Variants in TRHDE observed in about 807,000 individuals in gnomAD.
TRHDE encodes thyrotropin-releasing hormone-degrading ectoenzyme.
A neutral mutation model predicts 125.7 loss-of-function variants in TRHDE; 72 were observed. The ratio of observed to expected loss-of-function variants is 0.57; its 90% CI spans 0.47 to 0.70. The LOEUF is 0.70. Ranked by LOEUF, TRHDE falls within the 30% of genes least tolerant of loss-of-function variation. TRHDE has a pLI of 0.00. For missense variants in TRHDE, 1,110 were observed against 1,327.1 expected, an observed-to-expected ratio of 0.84 and a Z score of 2.54; for synonymous variants, 509 against 509.1, an observed-to-expected ratio of 1.00 and a Z score of 0.00.
At chr12:72,252,945 T>G (rs555535833) in intron 2 of TRHDE, among the ~76,000 whole-genome samples, 1 of 152,260 alleles carries the variant, frequency 6.6e-6, no homozygotes, top group South Asian at 2.1e-4. Flanking sequence ...ATTTTGGTTT[T>G]CATACGTTTA....
intron 7 of TRHDE, among the ~76,000 whole-genome samples, chr12:72,544,207 A>G (rs1174118286): frequency 2.6e-5 from 4 of 151,474 alleles, no homozygotes; most frequent in African/African-American, 7.3e-5. Flanking sequence ...GTAGATCCCT[A>G]CATCTAGGTG....
At position 72,666,818 on chromosome 12, in the gene TRHDE, G is replaced by T. The variant is rs1220535316; in HGVS notation, c.*3623G>T. On this transcript the variant is annotated 3_prime_UTR_variant, in exon 19 of 19. Transcript: ENST00000261180. ...GGATGAAATGTTATGATTTAATTTG[G>T]TCAGTATAAATAATCAAATATTGGG... The T allele has an allele frequency of 3.3e-5, 5 of 152,090 alleles. No homozygotes were observed. The highest frequency in any genetic ancestry group is 4.2e-4 in the South Asian group (2 of 4,816). 9.4% of individuals were successfully genotyped at this position (152,090 alleles called of 1,614,324 possible). A position where few individuals can be genotyped will look rare whatever the true frequency, so the allele number is the denominator to read the frequency against.
chr12:72,447,339 C>T (rs1258407913), intron 3 of TRHDE, among the ~76,000 whole-genome samples: 1 of 152,082 alleles, frequency 6.6e-6, no homozygotes. Flanking sequence ...ACACAACATA[C>T]CAGAATCTCT....
At position 72,327,624 on chromosome 12, in the gene TRHDE, G is replaced by A. The variant is rs139399783; in HGVS notation, c.1188+40670G>A. The stretch of plus-strand genomic sequence containing the variant: ...TGAGATCACAATTAAGAGAAGTTGT[G>A]TATCATTTTAGGAGATTTTTTTAGG... On this transcript the variant is annotated intron_variant, in intron 2 of 18. Transcript: ENST00000261180. 3.2e-4 allele frequency among the ~76,000 whole-genome samples: 48 copies of A among 152,232 alleles called. 1 individual carries two copies. The East Asian group carries it at 7.7e-3, about 24-fold the overall frequency.
At chr12:72,366,461 A>G (rs1162129378) in intron 2 of TRHDE, among the ~76,000 whole-genome samples, 1 of 152,132 alleles carries the variant, frequency 6.6e-6, no homozygotes, top group East Asian at 1.9e-4. Flanking sequence ...AATCTATTAT[A>G]GCAGCGTTTT....
chr12:72,383,903 C>T (rs953503786), intron 3 of TRHDE, among the ~76,000 whole-genome samples: 2 of 152,040 alleles, frequency 1.3e-5, no homozygotes, highest in Non-Finnish European at 2.9e-5. Context: ...CAAAATATAG[C>T]TTGCCTTATA....
intron 1 of TRHDE, among the ~76,000 whole-genome samples, chr12:72,098,790 GA>G (rs1874997262): frequency 6.6e-6 from 1 of 152,176 alleles, no homozygotes; most frequent in Non-Finnish European, 1.5e-5. Context: ...CCAGCCAGCT[GA>G]CTGCCTTGCT....
chr12:72,639,521 C>A (rs1416700741), intron 15 of TRHDE, among the ~76,000 whole-genome samples: 2 of 152,012 alleles, frequency 1.3e-5, no homozygotes, highest in African/African-American at 4.8e-5. Context: ...CATTCTCCGT[C>A]CAGCTTTGTT....
intron 2 of TRHDE, among the ~76,000 whole-genome samples, chr12:72,290,140 A>C (rs1479726050): frequency 1.3e-5 from 2 of 152,350 alleles, no homozygotes; most frequent in Non-Finnish European, 1.5e-5. Context: ...GATGTGCTTC[A>C]TGGAGGAGAT....
chr12:72,266,887 A>G (rs1374831129), intron 2 of TRHDE, among the ~76,000 whole-genome samples: 1 of 152,104 alleles, frequency 6.6e-6, no homozygotes. Context: ...AGGAAATAAT[A>G]GCATTGACCT....
At chr12:72,591,079 T>C (rs1871652356) in intron 12 of TRHDE, among the ~76,000 whole-genome samples, 1 of 152,204 alleles carries the variant, frequency 6.6e-6, no homozygotes, top group African/African-American at 2.4e-5. Flanking sequence ...TACGTGGTAA[T>C]AGGCAGGAGA....
intron 1 of TRHDE, among the ~76,000 whole-genome samples, chr12:72,100,428 C>T (rs776756584): frequency 5.3e-5 from 8 of 152,176 alleles, no homozygotes; most frequent in Non-Finnish European, 8.8e-5. Flanking sequence ...GAACACTTAA[C>T]GAAAAGCCAA....
chr12:72,618,820 G>A (rs780707832), intron 12 of TRHDE, 71 bp from the exon 13 acceptor site: 197 of 1,315,904 alleles, frequency 1.5e-4, no homozygotes, highest in Middle Eastern at 5.4e-4. Context: ...TTGCTTTTCC[G>A]TCTTTTATTT....
Position 72,137,437 on chromosome 12 carries a change from C to T in TRHDE, n.279+31685C>T, listed in dbSNP as rs562300721. The stretch of plus-strand genomic sequence containing the variant: ...TGTACTACCAGACTGGGGCTGAGAG[C>T]CTTAAGGTTTGTAAATAAGCCCTGT... On this transcript the variant is annotated intron_variant and non_coding_transcript_variant, in intron 2 of 4. Transcript: ENST00000548156. 15 of 152,260 alleles carry T rather than the reference C, an allele frequency of 9.9e-5. No individual in the cohort carries two copies. In the South Asian group the frequency reaches 3.1e-3, roughly 32 times the overall value. The allele number at this position is 152,260 out of a possible 1,614,324, so 9.4% of individuals were successfully genotyped here. A position where few individuals can be genotyped will look rare whatever the true frequency, so the allele number is the denominator to read the frequency against.
chr12:72,522,915 A>G (rs2135964853), intron 6 of TRHDE, among the ~76,000 whole-genome samples: 1 of 152,218 alleles, frequency 6.6e-6, no homozygotes, highest in East Asian at 1.9e-4. Flanking sequence ...CTGACGGACC[A>G]TTGATCTGCC....
intron 2 of TRHDE, among the ~76,000 whole-genome samples, chr12:72,340,385 C>A (rs1260984325): frequency 6.6e-6 from 1 of 152,144 alleles, no homozygotes; most frequent in Non-Finnish European, 1.5e-5. Context: ...TTCTGTCTAG[C>A]ACACATTTCA....
chr12:72,568,803 G>T lies in TRHDE; in HGVS notation c.2131+147G>T, dbSNP rs1246264573. The T allele has an allele frequency of 4.6e-4, 224 of 490,860 alleles. 1 individual carries two copies. The highest frequency in any genetic ancestry group is 3.6e-5 in the Non-Finnish European group (10 of 277,346). 30.4% of individuals were successfully genotyped at this position (490,860 alleles called of 1,614,324 possible). On this transcript the variant is annotated intron_variant, in intron 10 of 18. Transcript: ENST00000261180. ...AATGATTATCAACCCTATAAAATTA[G>T]ATATAGTATAGTTTCTAAATAGTCT... is the stretch of plus-strand genomic sequence containing the variant.
chr12:72,556,034 C>G (rs537944923), intron 7 of TRHDE, among the ~76,000 whole-genome samples: 1 of 152,268 alleles, frequency 6.6e-6, no homozygotes, highest in Admixed American at 6.5e-5. Context: ...CAGTTTTAAT[C>G]TTTCTCTCCA....
At chr12:72,351,954 T>G (rs1870600565) in intron 2 of TRHDE, among the ~76,000 whole-genome samples, 2 of 151,918 alleles carry the variant, frequency 1.3e-5, no homozygotes, top group Admixed American at 1.3e-4. Context: ...TAACTCATTC[T>G]TCTTCTGCAG....
Sources: allele counts gnomAD v4.1 joint callset (sites outside exome capture counted in the v4.1 genomes callset), GRCh38; gene constraint gnomAD v4.1.1; transcripts MANE v1.5; gene names NCBI Gene and HGNC (gene_info 2026-07-23, HGNC 2026-07-21).